CIMIP3: variants seen among roughly 807,000 people sequenced by gnomAD.
CIMIP3 encodes the protein ciliary microtubule inner protein 3, also known as GUCA1A neighbor.
At chr6:42,162,817 G>A in the CIMIP3 span, 1 of 551,880 alleles carries the variant, frequency 1.8e-6, no homozygotes. Flanking sequence ...TGGCTCTGGG[G>A]GCTTCTGAGC....
the CIMIP3 span, among the ~76,000 whole-genome samples, chr6:42,161,755 G>T: frequency 3.9e-5 from 6 of 152,014 alleles, no homozygotes; most frequent in Non-Finnish European, 8.8e-5. Flanking sequence ...GAAAGTGAGC[G>T]GGTACCCCTT....
the CIMIP3 span, among the ~76,000 whole-genome samples, chr6:42,158,706 T>C: frequency 0.84 from 128,369 of 152,238 alleles, 54,174 homozygotes; most frequent in East Asian, 0.91. Flanking sequence ...ATGGAGGCAA[T>C]GTCTCAAATG....
the CIMIP3 span, among the ~76,000 whole-genome samples, chr6:42,160,492 C>T: frequency 2.6e-5 from 4 of 152,154 alleles, no homozygotes; most frequent in African/African-American, 4.8e-5. Context: ...CTGCTGGAGC[C>T]GTTTACAGCC....
chr6:42,162,371 T>C, the CIMIP3 span, among the ~76,000 whole-genome samples: 2 of 150,118 alleles, frequency 1.3e-5, no homozygotes, highest in Non-Finnish European at 3.0e-5. Context: ...GCCGAGATCG[T>C]GCCATTGTAC....
chr6:42,163,003 C>G, the CIMIP3 span: 1 of 716,748 alleles, frequency 1.4e-6, no homozygotes. Context: ...CGTCCCGGCC[C>G]CGGGCGTGGA....
the CIMIP3 span, among the ~76,000 whole-genome samples, chr6:42,157,163 T>C: frequency 1.3e-5 from 2 of 152,180 alleles, no homozygotes; most frequent in African/African-American, 4.8e-5. Context: ...TATATGTACA[T>C]ATTAATACAT....
At chr6:42,160,236 A>T in the CIMIP3 span, among the ~76,000 whole-genome samples, 1 of 151,936 alleles carries the variant, frequency 6.6e-6, no homozygotes, top group Non-Finnish European at 1.5e-5. Context: ...TGATCCTCCC[A>T]CTTCAGCCTC....
chr6:42,163,175 T>C, the CIMIP3 span: 1 of 620,942 alleles, frequency 1.6e-6, no homozygotes, highest in Non-Finnish European at 3.0e-6. Context: ...TGGCTACCTG[T>C]ACCGCCGGGA....
chr6:42,158,797 C>T, the CIMIP3 span, among the ~76,000 whole-genome samples: 2 of 152,190 alleles, frequency 1.3e-5, no homozygotes, highest in African/African-American at 4.8e-5. Context: ...AAGAGTGCCA[C>T]CCTTCCATCT....
chr6:42,162,460 C>T, the CIMIP3 span, among the ~76,000 whole-genome samples: 3 of 146,698 alleles, frequency 2.0e-5, no homozygotes, highest in Non-Finnish European at 3.0e-5. Context: ...TGAAGCACAG[C>T]GTGACCAAGT....
the CIMIP3 span, among the ~76,000 whole-genome samples, chr6:42,156,743 C>T: frequency 7.9e-5 from 12 of 152,224 alleles, no homozygotes; most frequent in African/African-American, 2.7e-4. Flanking sequence ...CCCCATTTTG[C>T]AGATGAGGCC....
the CIMIP3 span, among the ~76,000 whole-genome samples, chr6:42,160,204 G>A: frequency 6.6e-6 from 1 of 152,038 alleles, no homozygotes; most frequent in Non-Finnish European, 1.5e-5. Flanking sequence ...GCCCAGGCTG[G>A]TCTTGAACTC....
At chr6:42,161,846 T>G in the CIMIP3 span, among the ~76,000 whole-genome samples, 9 of 152,106 alleles carry the variant, frequency 5.9e-5, no homozygotes, top group African/African-American at 2.2e-4. Flanking sequence ...GTAAATAGGA[T>G]TTTGGAGGCT....
At chr6:42,163,200 G>C in the CIMIP3 span, 6 of 596,226 alleles carry the variant, frequency 1.0e-5, no homozygotes, top group Non-Finnish European at 1.9e-5. Context: ...GACCACACCC[G>C]CAAGCGCTTT....
the CIMIP3 span, among the ~76,000 whole-genome samples, chr6:42,158,460 C>T: frequency 6.6e-6 from 1 of 152,194 alleles, no homozygotes; most frequent in Non-Finnish European, 1.5e-5. Context: ...CCTGCTGCCC[C>T]CAGAGTCCTG....
the CIMIP3 span, among the ~76,000 whole-genome samples, chr6:42,160,899 C>T: frequency 6.6e-6 from 1 of 152,116 alleles, no homozygotes; most frequent in East Asian, 1.9e-4. Flanking sequence ...TAAATTAAAC[C>T]CAGAGGAGGC....
At chr6:42,155,409 A>G in the CIMIP3 span, 4 of 632,112 alleles carry the variant, frequency 6.3e-6, no homozygotes, top group South Asian at 1.8e-5. Context: ...CACTCTCAGT[A>G]TCCTGCCAAG....
the CIMIP3 span, chr6:42,163,095 G>C: frequency 1.4e-6 from 1 of 715,190 alleles, no homozygotes; most frequent in East Asian, 2.7e-5. Context: ...GACAAGCTCA[G>C]GTTCAATTTC....
At chr6:42,158,773 C>T in the CIMIP3 span, among the ~76,000 whole-genome samples, 1 of 152,216 alleles carries the variant, frequency 6.6e-6, no homozygotes, top group African/African-American at 2.4e-5. Context: ...GGCAGATCCT[C>T]AATCCTGTGA....
Sources: allele counts gnomAD v4.1 joint callset (sites outside exome capture counted in the v4.1 genomes callset), GRCh38; gene constraint gnomAD v4.1.1; transcripts MANE v1.5; gene names NCBI Gene and HGNC (gene_info 2026-07-23, HGNC 2026-07-21).